RGS22: variants seen among roughly 807,000 people sequenced by gnomAD.
RGS22 encodes the protein regulator of G protein signaling 22.
Under a neutral mutation model 172.9 loss-of-function variants are expected in RGS22, and 148 were observed. The observed-to-expected ratio is 0.86, with a 90% CI of 0.75 to 0.98. RGS22 has a LOEUF of 0.98. RGS22 is among the 50% of genes least tolerant of loss of function. The pLI, the probability that RGS22 is intolerant of heterozygous loss-of-function variation, is 0.00. For synonymous variants in RGS22, 458 were observed against 480.2 expected (o/e 0.95, Z 0.60); for missense variants, 1,347 against 1,440.8 (o/e 0.93, Z 1.05).
intron 23 of RGS22, among the ~76,000 whole-genome samples, chr8:99,972,983 CAAAAAAAAAAAA>C (rs34427659): frequency 1.4e-5 from 1 of 69,810 alleles, no homozygotes; most frequent in Non-Finnish European, 3.1e-5. Context: ...GACTCCATCT[CAAAAAAAAAAAA>C]AAAAAAAGTC....
At chr8:100,048,843 A>G (rs1473313598) in intron 10 of RGS22, among the ~76,000 whole-genome samples, 1 of 152,100 alleles carries the variant, frequency 6.6e-6, no homozygotes, top group African/African-American at 2.4e-5. Flanking sequence ...GATGGGGAAA[A>G]GGAGAGTTGG....
intron 9 of RGS22, 131 bp from the exon 10 acceptor site, chr8:100,053,107 T>C (rs972092015): frequency 3.8e-6 from 3 of 794,386 alleles, no homozygotes; most frequent in East Asian, 5.1e-5. Context: ...CAACTTTTAC[T>C]TCTTTCTCTA....
At chr8:100,084,517 T>C (rs1468041785) in intron 3 of RGS22, among the ~76,000 whole-genome samples, 3 of 152,318 alleles carry the variant, frequency 2.0e-5, no homozygotes, top group African/African-American at 7.2e-5. Context: ...AAAAAAGAAA[T>C]GTGAATGTAT....
rs1233691006 is a variant in RGS22 at position 100,062,725 on chromosome 8, A to G, written c.1380T>C (p.Tyr460=). Residue 460 remains tyrosine, a synonymous_variant, in exon 9 of 28, where the codon TAT becomes TAC. Transcript: ENST00000360863. ...QRHLEKMKKC[Y]LVSNGDYYLS... ...GGTAGTAATCTCCATTGCTCACTAG[A>G]TAGCATTTTTTCATCTTCTCAAGAT... The G allele has an allele frequency of 1.9e-6, 3 of 1,601,776 alleles. No homozygotes were observed. The highest frequency in any genetic ancestry group is 1.1e-5 in the South Asian group (1 of 88,698).
chr8:99,993,665 C>T (rs1814013642), intron 20 of RGS22, among the ~76,000 whole-genome samples: 1 of 152,180 alleles, frequency 6.6e-6, no homozygotes, highest in East Asian at 1.9e-4. Context: ...GATGGATTCA[C>T]AGCCGAATTC....
rs1377041399 is a variant in RGS22 at position 99,977,863 on chromosome 8, C to T, written c.3519+54G>A. The T allele has an allele frequency of 4.3e-6, 6 of 1,382,400 alleles. No homozygotes were observed. In the African/African-American group the frequency reaches 9.1e-5, roughly 21 times the overall value. 85.6% of individuals were successfully genotyped at this position (1,382,400 alleles called of 1,614,324 possible). A position where few individuals can be genotyped will look rare whatever the true frequency, so the allele number is the denominator to read the frequency against. ...AGACAAAATTATTCTATAATTCACACATATCACATAACTTTTAAAAGTCTG... is the reference window on the plus strand; with the variant it reads ...AGACAAAATTATTCTATAATTCACATATATCACATAACTTTTAAAAGTCTG... On this transcript the variant is annotated intron_variant, in intron 23 of 27. Transcript: ENST00000360863.
rs186225142 is a variant in RGS22, at chr8:99,996,829, C to G, written c.2950-299G>C. Among the ~76,000 whole-genome samples the G allele has an allele frequency of 2.0e-4, 31 of 152,324 alleles. No homozygotes were observed. In the East Asian group the frequency reaches 5.6e-3, roughly 27 times the overall value. On this transcript the variant is annotated intron_variant, in intron 19 of 27. Coordinates refer to ENST00000360863, the MANE Select transcript of RGS22 (RefSeq NM_015668.5). ...GAAGCTGGAAAGACAATTACGACTT[C>G]TCAGACTTTTTAGCTATTTTCTAGC...
At chr8:100,066,037 G>C in intron 7 of RGS22, 130 bp downstream of exon 7, 1 of 692,364 alleles carries the variant, frequency 1.4e-6, no homozygotes, top group Non-Finnish European at 2.2e-6. Context: ...AACATAGGAA[G>C]TCGAGTGAGG....
chr8:100,028,690 C>A (rs1016284600), intron 14 of RGS22, among the ~76,000 whole-genome samples: 1 of 152,104 alleles, frequency 6.6e-6, no homozygotes, highest in Non-Finnish European at 1.5e-5. Flanking sequence ...TTCAAAATTA[C>A]AAAACATGCC....
At chr8:99,962,247 A>T (rs1810278606) in intron 27 of RGS22, 147 bp downstream of exon 27, 1 of 581,826 alleles carries the variant, frequency 1.7e-6, no homozygotes, top group East Asian at 3.0e-5. Flanking sequence ...GCCATTCAAA[A>T]GGGAGGCAAG....
intron 21 of RGS22, among the ~76,000 whole-genome samples, chr8:99,985,353 G>A (rs1588906131): frequency 6.6e-6 from 1 of 152,182 alleles, no homozygotes; most frequent in East Asian, 1.9e-4. Context: ...AGTTAGCTCG[G>A]TTAGACTTTA....
intron 14 of RGS22, among the ~76,000 whole-genome samples, chr8:100,020,254 A>G (rs1817475807): frequency 6.6e-6 from 1 of 152,186 alleles, no homozygotes; most frequent in Admixed American, 6.5e-5. Context: ...TGGTATTAGC[A>G]AAGACCTAGC....
intron 23 of RGS22, among the ~76,000 whole-genome samples, chr8:99,971,739 A>G (rs1249001267): frequency 6.6e-6 from 1 of 152,230 alleles, no homozygotes; most frequent in East Asian, 1.9e-4. Flanking sequence ...ACACAAACAA[A>G]TGGAAAAACA....
intron 17 of RGS22, 82 bp downstream of exon 17, chr8:100,003,844 A>T: frequency 8.2e-7 from 1 of 1,218,672 alleles, no homozygotes; most frequent in Non-Finnish European, 1.1e-6. Context: ...TATAGCACCA[A>T]ATCACTTTTA....
At chr8:99,967,333 GTT>G (rs1181136717) in intron 23 of RGS22, among the ~76,000 whole-genome samples, 1 of 142,952 alleles carries the variant, frequency 7.0e-6, no homozygotes, top group Non-Finnish European at 1.5e-5. Context: ...CCGGGAGTTT[GTT>G]TTTTTTTTTT....
At chr8:100,089,439 C>T (rs1313322358) in intron 3 of RGS22, among the ~76,000 whole-genome samples, 1 of 152,100 alleles carries the variant, frequency 6.6e-6, no homozygotes, top group Non-Finnish European at 1.5e-5. Context: ...CTTCCTCAAT[C>T]AAATCATAAA....
intron 21 of RGS22, among the ~76,000 whole-genome samples, chr8:99,984,053 G>A (rs1376456492): frequency 1.3e-5 from 2 of 152,200 alleles, no homozygotes; most frequent in Admixed American, 6.5e-5. Flanking sequence ...GGAGGCCGAG[G>A]TGGGCAGATG....
At chr8:99,961,841 G>T (rs1458433143) in intron 27 of RGS22, among the ~76,000 whole-genome samples, 2 of 152,078 alleles carry the variant, frequency 1.3e-5, no homozygotes, top group Admixed American at 1.3e-4. Flanking sequence ...CCAAGAACCA[G>T]AAAACTAAGG....
At chr8:100,055,236 AC>A (rs913570646) in intron 9 of RGS22, among the ~76,000 whole-genome samples, 6 of 152,222 alleles carry the variant, frequency 3.9e-5, no homozygotes, top group African/African-American at 9.6e-5. Flanking sequence ...CTGACCCAGC[AC>A]AGTCATAGTG....
Sources: allele counts gnomAD v4.1 joint callset (sites outside exome capture counted in the v4.1 genomes callset), GRCh38; gene constraint gnomAD v4.1.1; transcripts MANE v1.5; gene names NCBI Gene and HGNC (gene_info 2026-07-23, HGNC 2026-07-21).